Variants in EYS observed in about 807,000 individuals in gnomAD.
The protein encoded by EYS is protein eyes shut homolog.
A neutral mutation model predicts 282.1 loss-of-function variants in EYS; 250 were observed. That is an observed-to-expected ratio of 0.89 (90% CI 0.80 to 0.98). The LOEUF (loss-of-function observed/expected upper bound fraction) is 0.98, where lower values mean the gene tolerates loss of function less well. Among genes scored for constraint, EYS ranks in the 50% least tolerant of loss-of-function variants. EYS has a pLI of 0.00. For synonymous variants in EYS, 1,355 were observed against 1,282.9 expected (o/e 1.06, Z -1.20); for missense variants, 4,016 against 3,709.0 (o/e 1.08, Z -2.15).
At chr6:64,422,387 T>A (rs1276226626) in intron 28 of EYS, among the ~76,000 whole-genome samples, 1 of 152,160 alleles carries the variant, frequency 6.6e-6, no homozygotes, top group Non-Finnish European at 1.5e-5. Context: ...TGGATAAGCA[T>A]GTATGTTCTA....
At chr6:65,597,884 C>T (rs375160027) in intron 2 of EYS, among the ~76,000 whole-genome samples, 3 of 152,020 alleles carry the variant, frequency 2.0e-5, no homozygotes, top group South Asian at 2.1e-4. Context: ...GCAGATCACT[C>T]GAGCTCAGTA....
chr6:65,181,034 T>C (rs950719995), intron 12 of EYS, among the ~76,000 whole-genome samples: 3 of 152,128 alleles, frequency 2.0e-5, no homozygotes, highest in African/African-American at 7.2e-5. Flanking sequence ...ATCCCTTCCT[T>C]ACACCTCATA....
chr6:65,383,409 A>G (rs1012927186), intron 8 of EYS, among the ~76,000 whole-genome samples: 4 of 151,914 alleles, frequency 2.6e-5, no homozygotes, highest in Admixed American at 2.0e-4. Flanking sequence ...TTGGTTTCTA[A>G]AAAGTTATAA....
chr6:65,338,464 A>T (rs917061538), intron 10 of EYS, among the ~76,000 whole-genome samples: 2 of 151,206 alleles, frequency 1.3e-5, no homozygotes, highest in Non-Finnish European at 3.0e-5. Context: ...ATTCTATTAA[A>T]CATTCTATCA....
chr6:65,508,662 C>CA lies in EYS; in HGVS notation c.-332-12670dup, dbSNP rs35302193. Among the ~76,000 whole-genome samples the CA allele has an allele frequency of 5.0e-3, 546 of 109,896 alleles. 4 individuals carry two copies. Among genetic ancestry groups the CA allele is most frequent in the African/African-American group, 0.013 (391 of 29,524 alleles). The allele number at this position is 109,896 out of a possible 152,430, so 72.1% of individuals were successfully genotyped here. On this transcript the variant is annotated intron_variant, in intron 2 of 42. Coordinates refer to ENST00000503581, the MANE Select transcript of EYS (RefSeq NM_001142800.2). Reference sequence around the variant, plus strand: ...TGGGTGACAGAGCAAGACTCCATCTCAAAAAAAAAAAAAAAAAAGAAAGAA... The same window carrying CA: ...TGGGTGACAGAGCAAGACTCCATCTCAAAAAAAAAAAAAAAAAAAGAAAGAA...
At chr6:65,025,956 A>C (rs1203301340) in intron 13 of EYS, among the ~76,000 whole-genome samples, 1 of 152,216 alleles carries the variant, frequency 6.6e-6, no homozygotes, top group Non-Finnish European at 1.5e-5. Flanking sequence ...TTTAAAACTC[A>C]GTCCATAAAT....
chr6:64,518,224 T>C (rs1278109040), intron 26 of EYS, among the ~76,000 whole-genome samples: 1 of 151,786 alleles, frequency 6.6e-6, no homozygotes, highest in Non-Finnish European at 1.5e-5. Flanking sequence ...GTCTAAGAAA[T>C]AGACCCAATT....
At chr6:64,962,141 A>G (rs562391876) in intron 14 of EYS, among the ~76,000 whole-genome samples, 1 of 151,880 alleles carries the variant, frequency 6.6e-6, no homozygotes, top group African/African-American at 2.4e-5. Flanking sequence ...TCTAGTTGCT[A>G]TTCTTCTCAG....
At chr6:65,605,499 G>T (rs1176849614) in intron 2 of EYS, among the ~76,000 whole-genome samples, 1 of 151,792 alleles carries the variant, frequency 6.6e-6, no homozygotes, top group African/African-American at 2.4e-5. Flanking sequence ...TTGAATATAT[G>T]TCTAATAAAT....
intron 30 of EYS, among the ~76,000 whole-genome samples, chr6:64,244,290 A>G (rs552165862): frequency 1.3e-5 from 2 of 152,264 alleles, no homozygotes; most frequent in South Asian, 4.1e-4. Flanking sequence ...ATCTTTTCAA[A>G]TAAGATTTGT....
intron 8 of EYS, among the ~76,000 whole-genome samples, chr6:65,379,362 A>G (rs1765523912): frequency 6.6e-6 from 1 of 152,146 alleles, no homozygotes; most frequent in South Asian, 2.1e-4. Context: ...CCAATGACAA[A>G]AGCCACATGA....
intron 22 of EYS, among the ~76,000 whole-genome samples, chr6:64,647,890 C>T (rs1417259083): frequency 6.6e-6 from 1 of 150,936 alleles, no homozygotes; most frequent in African/African-American, 2.4e-5. Flanking sequence ...GCATGAGTGC[C>T]TTCATGAATA....
At chr6:64,439,088 G>T in intron 27 of EYS, 74 bp downstream of exon 27, 1 of 788,654 alleles carries the variant, frequency 1.3e-6, no homozygotes, top group Non-Finnish European at 1.9e-6. Context: ...ATTTTATTTT[G>T]AAAATAACCA....
At chr6:64,373,917 C>T (rs1347002551) in intron 29 of EYS, among the ~76,000 whole-genome samples, 1 of 151,948 alleles carries the variant, frequency 6.6e-6, no homozygotes, top group Admixed American at 6.6e-5. Context: ...AGAAGCAGGA[C>T]CACAGGGTCA....
Position 64,809,825 on chromosome 6 carries a change from CA to C in EYS, c.3443+3552del, listed in dbSNP as rs547331293. 9.9e-5 allele frequency among the ~76,000 whole-genome samples: 15 copies of C among 152,074 alleles called. No individual in the cohort carries two copies. In the East Asian group the frequency reaches 2.9e-3, roughly 29 times the overall value. Reference sequence around the variant, plus strand: ...AACAGACAATGGGGATCACTAGATGCAGAATGGAGAAAAGGAGCTGAAGAAC... The same window carrying C: ...AACAGACAATGGGGATCACTAGATGCGAATGGAGAAAAGGAGCTGAAGAAC... On this transcript the variant is annotated intron_variant, in intron 22 of 42. Coordinates refer to ENST00000503581, the MANE Select transcript of EYS (RefSeq NM_001142800.2).
chr6:65,110,092 C>T (rs1256540203), intron 12 of EYS, among the ~76,000 whole-genome samples: 1 of 152,124 alleles, frequency 6.6e-6, no homozygotes, highest in Non-Finnish European at 1.5e-5. Flanking sequence ...ATCTCTATTA[C>T]ACAAAACTTC....
chr6:64,641,769 C>A (rs559366604), intron 22 of EYS, among the ~76,000 whole-genome samples: 9 of 152,266 alleles, frequency 5.9e-5, no homozygotes, highest in Non-Finnish European at 1.2e-4. Context: ...CTCCTGAGCT[C>A]TGTCTCCTGT....
At chr6:64,779,547 A>G (rs1236221253) in intron 22 of EYS, among the ~76,000 whole-genome samples, 1 of 152,138 alleles carries the variant, frequency 6.6e-6, no homozygotes, top group Non-Finnish European at 1.5e-5. Flanking sequence ...ATTCTGTATA[A>G]TTCTGTAATG....
Position 64,091,795 on chromosome 6 carries a change from A to C in EYS, c.6425-9793T>G, listed in dbSNP as rs185126317. Among the ~76,000 whole-genome samples, 49 of 152,164 alleles carry C rather than the reference A, an allele frequency of 3.2e-4. No homozygotes were observed. In the South Asian group the frequency reaches 5.2e-3, roughly 16 times the overall value. On this transcript the variant is annotated intron_variant, in intron 31 of 42. Transcript: ENST00000503581. ...CTTTAAGTTTTAGGGTACATGTGCA[A>C]AACGTGCAGGTTTGTTACATATGTA...
Sources: allele counts gnomAD v4.1 joint callset (sites outside exome capture counted in the v4.1 genomes callset), GRCh38; gene constraint gnomAD v4.1.1; transcripts MANE v1.5; gene names NCBI Gene and HGNC (gene_info 2026-07-23, HGNC 2026-07-21).